The following KCTD16 variants were observed in gnomAD, a reference collection of about 807,000 sequenced individuals.
KCTD16 encodes potassium channel tetramerization domain containing 16.
In KCTD16, 13 loss-of-function variants were observed where a neutral mutation model predicts 33.2. The observed-to-expected ratio is 0.39, with a 90% confidence interval of 0.25 to 0.62. KCTD16 has a LOEUF of 0.62. Ranked by LOEUF, KCTD16 falls within the 20% of genes least tolerant of loss-of-function variation. The pLI, the probability that KCTD16 is intolerant of heterozygous loss-of-function variation, is 0.50. For synonymous variants in KCTD16, 197 were observed against 195.3 expected (o/e 1.01, Z -0.07); for missense variants, 441 against 525.1 (o/e 0.84, Z 1.57).
chr5:144,468,382 C>G (rs767025271), intron 3 of KCTD16, among the ~76,000 whole-genome samples: 1 of 152,136 alleles, frequency 6.6e-6, no homozygotes, highest in Non-Finnish European at 1.5e-5. Context: ...TCCTGACTGA[C>G]TCTGATGGAT....
At chr5:144,194,913 G>T (rs1314346152) in intron 2 of KCTD16, among the ~76,000 whole-genome samples, 1 of 152,162 alleles carries the variant, frequency 6.6e-6, no homozygotes, top group East Asian at 1.9e-4. Flanking sequence ...AATACTAGGT[G>T]AACTTAAGGA....
chr5:144,322,041 G>A (rs1244212554), intron 3 of KCTD16, among the ~76,000 whole-genome samples: 6 of 152,142 alleles, frequency 3.9e-5, no homozygotes, highest in Non-Finnish European at 8.8e-5. Flanking sequence ...GATGGAGAAA[G>A]TGTAGAAGCA....
rs70995050 is a variant in KCTD16, at chr5:144,393,963, CTTTTTT to C, written c.833-79685_833-79680del. ...CTTTTCCTTTTTTTCTTTCTTTTTTCTTTTTTTTTTTTTTTTTGTTTAAACTTAGGA... is the reference window on the plus strand; with the variant it reads ...CTTTTCCTTTTTTTCTTTCTTTTTTCTTTTTTTTTTTGTTTAAACTTAGGA... On this transcript the variant is annotated intron_variant, in intron 3 of 3. Transcript: ENST00000512467. Among the ~76,000 whole-genome samples the C allele has an allele frequency of 1.8e-4, 22 of 122,002 alleles. No individual in the cohort carries two copies. In the South Asian group the frequency reaches 3.8e-3, roughly 21 times the overall value. The allele number at this position is 122,002 out of a possible 152,430, so 80.0% of individuals were successfully genotyped here.
At chr5:144,326,462 A>T (rs1464830463) in intron 3 of KCTD16, among the ~76,000 whole-genome samples, 2 of 152,166 alleles carry the variant, frequency 1.3e-5, no homozygotes, top group Non-Finnish European at 2.9e-5. Context: ...AAGTTGAAAT[A>T]TTTTGCCATC....
chr5:144,396,941 T>C (rs1752581088), intron 3 of KCTD16, among the ~76,000 whole-genome samples: 1 of 148,780 alleles, frequency 6.7e-6, no homozygotes, highest in South Asian at 2.1e-4. Flanking sequence ...TATTTTATTA[T>C]ACTTTAAGTT....
At chr5:144,428,661 A>G (rs528164732) in intron 3 of KCTD16, among the ~76,000 whole-genome samples, 104 of 152,312 alleles carry the variant, frequency 6.8e-4, no homozygotes, top group African/African-American at 2.4e-3. Context: ...TTCAAGCCCT[A>G]CTACTACATC....
At chr5:144,456,744 T>C (rs1754072967) in intron 3 of KCTD16, among the ~76,000 whole-genome samples, 1 of 151,786 alleles carries the variant, frequency 6.6e-6, no homozygotes, top group African/African-American at 2.4e-5. Context: ...TTTGAGACTA[T>C]ACCACAGAAC....
At chr5:144,467,085 T>C (rs528775631) in intron 3 of KCTD16, among the ~76,000 whole-genome samples, 1 of 131,908 alleles carries the variant, frequency 7.6e-6, no homozygotes, top group South Asian at 2.2e-4. Flanking sequence ...ATATATAGTG[T>C]TATATATATT....
chr5:144,474,807 C>G lies in KCTD16; in HGVS notation c.*693C>G, dbSNP rs1277670359. 1 of 152,176 alleles carries G rather than the reference C, an allele frequency of 6.6e-6. No individual in the cohort carries two copies. Among genetic ancestry groups the G allele is most frequent in the Non-Finnish European group, 1.5e-5 (1 of 68,038 alleles). 9.4% of individuals were successfully genotyped at this position (152,176 alleles called of 1,614,324 possible). ...TCTTAAAATTCTTTTGGGAAGATTT[C>G]CCAGCCTTTCTTCACAACACTTTCT... On this transcript the variant is annotated 3_prime_UTR_variant, in exon 4 of 4. Transcript: ENST00000512467.
intron 3 of KCTD16, among the ~76,000 whole-genome samples, chr5:144,316,791 G>A (rs1434565562): frequency 6.7e-6 from 1 of 150,022 alleles, no homozygotes; most frequent in Non-Finnish European, 1.5e-5. Context: ...GGGATTACAG[G>A]TGTGATCCAC....
rs765700501 is a variant in KCTD16 at position 144,473,952 on chromosome 5, A to C, written c.1125A>C (p.Glu375Asp). The change falls in exon 4 of 4, where the codon GAA becomes GAC. Residue 375 changes from glutamate to aspartate, a missense_variant. By Grantham distance (45) the Glu-to-Asp change is conservative. Coordinates refer to ENST00000512467, the MANE Select transcript of KCTD16 (RefSeq NM_020768.4). ...LLRTLTSGSR[E>D]SNMSSKKKAV... ...GGACTCTGACTTCAGGCTCCAGGGA[A>C]TCGAACATGAGCAGCAAAAAAAAAG... 3.3e-5 allele frequency: 54 copies of C among 1,613,930 alleles called. No homozygotes were observed. Among genetic ancestry groups the C allele is most frequent in the Non-Finnish European group, 4.2e-5 (50 of 1,180,014 alleles).
At chr5:144,278,485 C>CTTTTTTTTTT (rs1220359408) in intron 3 of KCTD16, among the ~76,000 whole-genome samples, 9 of 89,976 alleles carry the variant, frequency 1.0e-4, no homozygotes, top group Non-Finnish European at 1.4e-4. Flanking sequence ...TGTTAGTCTT[C>CTTTTTTTTTT]TTTTTTTTTT....
chr5:144,277,920 A>T (rs1265034285), intron 3 of KCTD16, among the ~76,000 whole-genome samples: 1 of 152,208 alleles, frequency 6.6e-6, no homozygotes, highest in Non-Finnish European at 1.5e-5. Context: ...ATATATATTC[A>T]GAATATAAAT....
intron 3 of KCTD16, among the ~76,000 whole-genome samples, chr5:144,318,636 G>A (rs574368529): frequency 3.9e-5 from 6 of 152,148 alleles, no homozygotes; most frequent in Admixed American, 6.5e-5. Context: ...GTCAGCTTTC[G>A]TCAGGCCATG....
chr5:144,356,247 G>A (rs1360255123), intron 3 of KCTD16, among the ~76,000 whole-genome samples: 11 of 152,030 alleles, frequency 7.2e-5, no homozygotes, highest in East Asian at 1.9e-4. Context: ...TGAGAAGTTC[G>A]AAAAAGATCT....
At chr5:144,338,010 C>T (rs894002312) in intron 3 of KCTD16, among the ~76,000 whole-genome samples, 1 of 152,050 alleles carries the variant, frequency 6.6e-6, no homozygotes, top group African/African-American at 2.4e-5. Flanking sequence ...ACAATAAAAA[C>T]ATAGCTATTT....
intron 3 of KCTD16, among the ~76,000 whole-genome samples, chr5:144,472,772 A>G (rs1438277023): frequency 6.6e-6 from 1 of 152,258 alleles, no homozygotes; most frequent in African/African-American, 2.4e-5. Flanking sequence ...ACAAAGTAGA[A>G]CTATAATTCA....
chr5:144,249,953 G>A (rs926761903), intron 3 of KCTD16, among the ~76,000 whole-genome samples: 2 of 152,090 alleles, frequency 1.3e-5, no homozygotes, highest in African/African-American at 2.4e-5. Flanking sequence ...AATTAGAAAT[G>A]GTCTCAAATT....
At chr5:144,264,209 T>C (rs978646804) in intron 3 of KCTD16, among the ~76,000 whole-genome samples, 3 of 152,240 alleles carry the variant, frequency 2.0e-5, no homozygotes, top group Non-Finnish European at 4.4e-5. Context: ...TTTACAATCT[T>C]TCTCTGTATA....
Sources: allele counts gnomAD v4.1 joint callset (sites outside exome capture counted in the v4.1 genomes callset), GRCh38; gene constraint gnomAD v4.1.1; transcripts MANE v1.5; gene names NCBI Gene and HGNC (gene_info 2026-07-23, HGNC 2026-07-21).